The following UNC13C variants were observed in gnomAD, a reference collection of about 807,000 sequenced individuals.
The protein encoded by UNC13C is protein unc-13 homolog C.
A neutral mutation model predicts 245.4 loss-of-function variants in UNC13C; 174 were observed. The observed-to-expected ratio is 0.71, with a 90% confidence interval of 0.63 to 0.80. The LOEUF (loss-of-function observed/expected upper bound fraction) is 0.80. UNC13C is among the 30% of genes least tolerant of loss of function. UNC13C has a pLI of 0.00. For synonymous variants in UNC13C, 992 were observed against 895.1 expected (o/e 1.11, Z -1.93); for missense variants, 2,829 against 2,602.9 (o/e 1.09, Z -1.89).
chr15:54,040,576 G>T (rs1340970884), intron 2 of UNC13C, among the ~76,000 whole-genome samples: 1 of 152,116 alleles, frequency 6.6e-6, no homozygotes, highest in Non-Finnish European at 1.5e-5. Flanking sequence ...GAAAGCTGGG[G>T]GTATTTTTCA....
intron 1 of UNC13C, among the ~76,000 whole-genome samples, chr15:53,995,630 G>A (rs1894594481): frequency 6.6e-6 from 1 of 152,088 alleles, no homozygotes; most frequent in African/African-American, 2.4e-5. Flanking sequence ...CTTTCTGGAC[G>A]AGTCTTAATC....
intron 25 of UNC13C, among the ~76,000 whole-genome samples, chr15:54,528,540 T>C (rs957158038): frequency 6.6e-6 from 1 of 152,044 alleles, no homozygotes; most frequent in Non-Finnish European, 1.5e-5. Context: ...CTTTTTCTAG[T>C]CTATTCTTTT....
At chr15:54,432,130 T>A (rs2040884923) in intron 19 of UNC13C, among the ~76,000 whole-genome samples, 1 of 151,644 alleles carries the variant, frequency 6.6e-6, no homozygotes, top group Non-Finnish European at 1.5e-5. Flanking sequence ...TTTAAATAGC[T>A]ACTCTGTGTC....
At chr15:53,890,650 G>A in the UNC13C span, among the ~76,000 whole-genome samples, 977 of 152,240 alleles carry the variant, frequency 6.4e-3, 10 homozygotes, top group African/African-American at 0.023. Flanking sequence ...GTTTATTTGC[G>A]TAGAGGTGTT....
At chr15:54,163,041 A>C (rs879480152) in intron 4 of UNC13C, among the ~76,000 whole-genome samples, 3 of 152,150 alleles carry the variant, frequency 2.0e-5, no homozygotes, top group African/African-American at 7.2e-5. Flanking sequence ...TGGCCCTGCA[A>C]AGATGTCCGC....
At chr15:54,291,549 C>A (rs960269401) in intron 10 of UNC13C, among the ~76,000 whole-genome samples, 2 of 151,794 alleles carry the variant, frequency 1.3e-5, no homozygotes, top group Non-Finnish European at 2.9e-5. Context: ...TCAAAAAGAA[C>A]GTGGAACTTG....
intron 31 of UNC13C, among the ~76,000 whole-genome samples, chr15:54,623,526 G>A (rs1444090471): frequency 6.6e-6 from 1 of 152,114 alleles, no homozygotes; most frequent in Non-Finnish European, 1.5e-5. Flanking sequence ...TTTACCAAGA[G>A]GAGGAGAGTG....
chr15:53,953,947 T>A, the UNC13C span, among the ~76,000 whole-genome samples: 1 of 152,228 alleles, frequency 6.6e-6, no homozygotes, highest in Non-Finnish European at 1.5e-5. Context: ...CCATGGTGAC[T>A]GTAAGGGACA....
intron 2 of UNC13C, among the ~76,000 whole-genome samples, chr15:54,127,071 C>T (rs1182687593): frequency 1.3e-5 from 2 of 152,074 alleles, no homozygotes; most frequent in African/African-American, 4.8e-5. Flanking sequence ...GGTGGAGAAG[C>T]TGTAGAGAAA....
At chr15:53,843,062 G>A in the UNC13C span, among the ~76,000 whole-genome samples, 43 of 152,076 alleles carry the variant, frequency 2.8e-4, no homozygotes, top group Middle Eastern at 3.4e-3. Context: ...GAAGTCACTT[G>A]CCCTTTAGAT....
intron 19 of UNC13C, among the ~76,000 whole-genome samples, chr15:54,418,167 C>G (rs922454742): frequency 2.0e-5 from 3 of 152,094 alleles, no homozygotes; most frequent in Admixed American, 6.6e-5. Context: ...GCCTTTTAGC[C>G]TCAATCCTTA....
chr15:54,076,833 A>T (rs1898654555), intron 2 of UNC13C, among the ~76,000 whole-genome samples: 1 of 152,210 alleles, frequency 6.6e-6, no homozygotes, highest in Non-Finnish European at 1.5e-5. Context: ...ACATAGCTGA[A>T]CAAATATTTC....
chr15:53,897,265 A>G, the UNC13C span, among the ~76,000 whole-genome samples: 2 of 152,230 alleles, frequency 1.3e-5, no homozygotes, highest in Non-Finnish European at 2.9e-5. Flanking sequence ...AATAAATGAA[A>G]GAATCAGTGA....
chr15:54,072,726 G>A (rs1481006052), intron 2 of UNC13C, among the ~76,000 whole-genome samples: 1 of 152,120 alleles, frequency 6.6e-6, no homozygotes, highest in Non-Finnish European at 1.5e-5. Flanking sequence ...TTTGTCTTAT[G>A]TAATACACAC....
intron 17 of UNC13C, among the ~76,000 whole-genome samples, chr15:54,342,113 G>T (rs1006176885): frequency 1.3e-5 from 2 of 152,040 alleles, no homozygotes; most frequent in African/African-American, 2.4e-5. Flanking sequence ...GAACGCTTGA[G>T]TTTTATGTTC....
At chr15:54,397,658 A>G (rs922240301) in intron 18 of UNC13C, among the ~76,000 whole-genome samples, 5 of 151,526 alleles carry the variant, frequency 3.3e-5, no homozygotes, top group Non-Finnish European at 5.9e-5. Context: ...ATCCATTAAC[A>G]TGGCATGTAC....
intron 30 of UNC13C, among the ~76,000 whole-genome samples, chr15:54,589,499 A>G (rs1898667358): frequency 6.6e-6 from 1 of 151,620 alleles, no homozygotes; most frequent in African/African-American, 2.4e-5. Flanking sequence ...GGATTTCACC[A>G]TGTTGACCAG....
chr15:54,495,283 C>T (rs1893899981), intron 20 of UNC13C, among the ~76,000 whole-genome samples: 2 of 152,010 alleles, frequency 1.3e-5, no homozygotes, highest in South Asian at 2.1e-4. Context: ...ATGGCAGGCA[C>T]TTTCCAAGTG....
intron 17 of UNC13C, among the ~76,000 whole-genome samples, chr15:54,380,214 G>A (rs1019422822): frequency 6.6e-6 from 1 of 151,672 alleles, no homozygotes; most frequent in Non-Finnish European, 1.5e-5. Flanking sequence ...ACTTTTTTAG[G>A]TTCCATACAT....
Sources: allele counts gnomAD v4.1 joint callset (sites outside exome capture counted in the v4.1 genomes callset), GRCh38; gene constraint gnomAD v4.1.1; transcripts MANE v1.5; gene names NCBI Gene and HGNC (gene_info 2026-07-23, HGNC 2026-07-21).